Variants in CERS6 observed in about 807,000 individuals in gnomAD.
CERS6 encodes the protein ceramide synthase 6, also known as LAG1 homolog, ceramide synthase 6.
In CERS6, 26 loss-of-function variants were observed where a neutral mutation model predicts 56.8. The ratio of observed to expected loss-of-function variants is 0.46; its 90% confidence interval spans 0.34 to 0.63. CERS6 has a LOEUF of 0.63. CERS6 is among the 30% of genes least tolerant of loss of function. The pLI, the probability that CERS6 is intolerant of heterozygous loss-of-function variation, is 0.01. For missense variants in CERS6, 415 were observed against 467.5 expected (o/e 0.89, Z 1.04); for synonymous variants, 164 against 173.3 (o/e 0.95, Z 0.42).
intron 4 of CERS6, among the ~76,000 whole-genome samples, chr2:168,648,535 T>C (rs1490836425): frequency 1.3e-5 from 2 of 152,214 alleles, no homozygotes; most frequent in Non-Finnish European, 2.9e-5. Context: ...AATTCAGCTC[T>C]GATTTTGGTT....
intron 6 of CERS6, among the ~76,000 whole-genome samples, chr2:168,698,255 GAAAAAAAA>G (rs869056813): frequency 5.6e-5 from 1 of 17,952 alleles, no homozygotes; most frequent in Non-Finnish European, 3.0e-4. Context: ...AAAAAAAAAA[GAAAAAAAA>G]AAAAAAAAAA....
At chr2:168,485,726 G>A (rs1425325938) in intron 1 of CERS6, among the ~76,000 whole-genome samples, 2 of 152,102 alleles carry the variant, frequency 1.3e-5, no homozygotes, top group Non-Finnish European at 2.9e-5. Flanking sequence ...AGATAAACAA[G>A]TCACAGTTTA....
chr2:168,661,691 ATT>A (rs1685632406), intron 4 of CERS6, among the ~76,000 whole-genome samples: 1 of 152,172 alleles, frequency 6.6e-6, no homozygotes, highest in African/African-American at 2.4e-5. Context: ...TGACAGGGGT[ATT>A]TAGCTAAGAA....
At chr2:168,731,656 C>T (rs1170547684) in intron 8 of CERS6, among the ~76,000 whole-genome samples, 1 of 152,052 alleles carries the variant, frequency 6.6e-6, no homozygotes, top group Non-Finnish European at 1.5e-5. Flanking sequence ...TTGCCCCTTC[C>T]ATGCAGTCAT....
chr2:168,486,345 G>T (rs180764597), intron 1 of CERS6, among the ~76,000 whole-genome samples: 113 of 152,066 alleles, frequency 7.4e-4, no homozygotes, highest in South Asian at 6.0e-3. Context: ...TCAGCTTACT[G>T]ATTTTTTTCT....
At chr2:168,466,895 G>A (rs1248139541) in intron 1 of CERS6, among the ~76,000 whole-genome samples, 1 of 152,188 alleles carries the variant, frequency 6.6e-6, no homozygotes, top group Non-Finnish European at 1.5e-5. Flanking sequence ...TTTGCACACA[G>A]TGACCTAAGA....
intron 3 of CERS6, among the ~76,000 whole-genome samples, chr2:168,622,752 G>A (rs1327936260): frequency 6.6e-6 from 1 of 152,204 alleles, no homozygotes; most frequent in Non-Finnish European, 1.5e-5. Context: ...TGGAGTTACA[G>A]AGTTAATTAT....
intron 4 of CERS6, among the ~76,000 whole-genome samples, chr2:168,651,493 T>C (rs1458933324): frequency 6.6e-6 from 1 of 152,142 alleles, no homozygotes; most frequent in Non-Finnish European, 1.5e-5. Context: ...TGAGACTGGG[T>C]GATTTATAAA....
chr2:168,689,699 A>G (rs1574162407), intron 4 of CERS6, among the ~76,000 whole-genome samples: 1 of 152,186 alleles, frequency 6.6e-6, no homozygotes, highest in African/African-American at 2.4e-5. Flanking sequence ...CATGATACAG[A>G]CAGTGTTGAA....
At chr2:168,737,109 G>A (rs1683737443) in intron 8 of CERS6, among the ~76,000 whole-genome samples, 1 of 152,142 alleles carries the variant, frequency 6.6e-6, no homozygotes, top group South Asian at 2.1e-4. Flanking sequence ...CTTCCTGATA[G>A]CATGCCAGCC....
intron 1 of CERS6, among the ~76,000 whole-genome samples, chr2:168,502,097 C>T (rs561944530): frequency 6.6e-6 from 1 of 152,102 alleles, no homozygotes; most frequent in African/African-American, 2.4e-5. Context: ...CAACACATTG[C>T]GAAGTTTGTA....
At chr2:168,760,172 G>C (rs1378313329) in intron 8 of CERS6, among the ~76,000 whole-genome samples, 1 of 152,152 alleles carries the variant, frequency 6.6e-6, no homozygotes, top group African/African-American at 2.4e-5. Context: ...CTAATAGGAG[G>C]TATATACAGG....
intron 1 of CERS6, among the ~76,000 whole-genome samples, chr2:168,525,641 C>G (rs545408190): frequency 1.3e-5 from 2 of 152,196 alleles, no homozygotes; most frequent in African/African-American, 4.8e-5. Context: ...TCCTATACAA[C>G]GGCCCGAGCC....
chr2:168,736,892 C>T (rs1171335071), intron 8 of CERS6, among the ~76,000 whole-genome samples: 1 of 152,190 alleles, frequency 6.6e-6, no homozygotes. Context: ...GCTACCTCGC[C>T]CTCACAGAAG....
chr2:168,583,876 G>C (rs577701240), intron 3 of CERS6, among the ~76,000 whole-genome samples: 14 of 152,156 alleles, frequency 9.2e-5, no homozygotes, highest in Non-Finnish European at 7.3e-5. Flanking sequence ...TCTCTGTTTG[G>C]CGATTATTGT....
chr2:168,524,751 A>C (rs1368120153), intron 1 of CERS6, among the ~76,000 whole-genome samples: 3 of 152,060 alleles, frequency 2.0e-5, no homozygotes, highest in African/African-American at 7.2e-5. Flanking sequence ...ACGGGGTTTT[A>C]TGTATGTGAT....
chr2:168,746,159 G>A (rs1012178708), intron 8 of CERS6, among the ~76,000 whole-genome samples: 4 of 152,162 alleles, frequency 2.6e-5, no homozygotes, highest in Admixed American at 2.6e-4. Context: ...AAAGACCAGA[G>A]CTGCCCCCTC....
chr2:168,463,887 C>T (rs750647833), intron 1 of CERS6, among the ~76,000 whole-genome samples: 12 of 152,058 alleles, frequency 7.9e-5, no homozygotes, highest in African/African-American at 1.2e-4. Context: ...CCAATCTGGG[C>T]GCCAGACCAA....
intron 6 of CERS6, among the ~76,000 whole-genome samples, chr2:168,710,959 GAAGACGCATGTT>G (rs1687073699): frequency 6.6e-6 from 1 of 152,198 alleles, no homozygotes; most frequent in South Asian, 2.1e-4. Flanking sequence ...TTAACTGTTG[GAAGACGCATGTT>G]TCCCCTGACA....
Sources: gnomAD v4.1 joint callset for allele counts (sites outside exome capture counted in the v4.1 genomes callset) on GRCh38, gnomAD v4.1.1 for gene constraint, MANE v1.5 for transcripts, NCBI Gene and HGNC (gene_info 2026-07-23, HGNC 2026-07-21) for gene names.